TCHP: variants seen among roughly 807,000 people sequenced by gnomAD.
The protein encoded by TCHP is trichoplein keratin filament-binding protein.
In TCHP, 81 loss-of-function variants were observed where a neutral mutation model predicts 88.7. The ratio of observed to expected loss-of-function variants is 0.91; its 90% CI spans 0.76 to 1.10. The LOEUF (loss-of-function observed/expected upper bound fraction) is 1.10. TCHP is among the 50% of genes least tolerant of loss of function. TCHP has a pLI of 0.00. For synonymous variants in TCHP, 232 were observed against 232.5 expected (o/e 1.00, Z 0.02); for missense variants, 641 against 632.1 (o/e 1.01, Z -0.15).
rs777736934 is a variant in TCHP at position 109,906,630 on chromosome 12, A to G, written c.515A>G (p.Glu172Gly). 3 of 1,607,368 alleles carry G rather than the reference A, an allele frequency of 1.9e-6. No individual in the cohort carries two copies. Among genetic ancestry groups the G allele is most frequent in the East Asian group, 2.2e-5 (1 of 44,860 alleles). Residue 172 changes from glutamate (E) to glycine (G), a missense_variant, in exon 5 of 13, where the codon GAA becomes GGA. By Grantham distance (98) the Glu-to-Gly change is moderately conservative (BLOSUM62 -2). Transcript: ENST00000405876. Reference protein sequence around the residue: ...VVNSWEMQKEEKKQQEATAEQ... With the variant: ...VVNSWEMQKEGKKQQEATAEQ... ...AACTCTTGGGAAATGCAGAAAGAAG[A>G]AAAAAAACAGGTGTGGTATGTGGCT...
the TCHP span, chr12:109,880,696 G>A: frequency 6.6e-6 from 1 of 152,114 alleles, no homozygotes; most frequent in Non-Finnish European, 1.5e-5. This position sits in a 1 kb window ranked among gnomAD's most constrained non-coding sequence, Gnocchi z 5.1. Context: ...GCCGGTTCAT[G>A]GGTCCCGGAG....
chr12:109,885,552 G>A, the TCHP span, among the ~76,000 whole-genome samples: 16 of 141,622 alleles, frequency 1.1e-4, no homozygotes, highest in East Asian at 2.1e-4. Flanking sequence ...GCACAATCTC[G>A]GCTCACTGCA....
chr12:109,885,000 A>C, the TCHP span, among the ~76,000 whole-genome samples: 14 of 152,166 alleles, frequency 9.2e-5, no homozygotes, highest in African/African-American at 3.1e-4. Flanking sequence ...ACGGAGTCTC[A>C]CTCTGTCGCC....
At chr12:109,884,674 C>T in the TCHP span, among the ~76,000 whole-genome samples, 1 of 152,150 alleles carries the variant, frequency 6.6e-6, no homozygotes, top group Non-Finnish European at 1.5e-5. Flanking sequence ...TTGTTAAGAA[C>T]AAGATGTCAG....
chr12:109,900,598 A>T (rs914057764), intron 1 of TCHP, 172 bp downstream of exon 1: 1 of 152,208 alleles, frequency 6.6e-6, no homozygotes, highest in Non-Finnish European at 1.5e-5. Context: ...GTGCATGTTC[A>T]GGTCGAGAGA....
the TCHP span, among the ~76,000 whole-genome samples, chr12:109,891,365 T>C: frequency 2.0e-5 from 3 of 151,798 alleles, no homozygotes; most frequent in African/African-American, 7.3e-5. Context: ...GGAGAAGATA[T>C]AGTAATGGGC....
chr12:109,914,658 G>T (rs371020723), intron 11 of TCHP, 31 bp downstream of exon 11: 47 of 1,575,318 alleles, frequency 3.0e-5, no homozygotes, highest in Non-Finnish European at 4.1e-5. Context: ...GGGAGGCACC[G>T]GGCCTGCCAG....
chr12:109,905,038 G>C lies in TCHP; in HGVS notation c.456+245G>C. 1 of 513,456 alleles carries C rather than the reference G, an allele frequency of 1.9e-6. No individual in the cohort carries two copies. The highest frequency in any genetic ancestry group is 3.5e-6 in the Non-Finnish European group (1 of 288,078). 31.8% of individuals were successfully genotyped at this position (513,456 alleles called of 1,614,324 possible). On this transcript the variant is annotated intron_variant, in intron 4 of 12. Coordinates refer to ENST00000405876, the MANE Select transcript of TCHP (RefSeq NM_001143852.2). The surrounding 1 kb of genome is among the most constrained non-coding windows in gnomAD (Gnocchi z 4.0). ...AGGTGCGGGCATGGAGATTAGACATGGTTTCTGCTCATTAGCTTGTGTCCA... is the reference window on the plus strand; with the variant it reads ...AGGTGCGGGCATGGAGATTAGACATCGTTTCTGCTCATTAGCTTGTGTCCA...
At chr12:109,887,636 C>T in the TCHP span, among the ~76,000 whole-genome samples, 4 of 152,126 alleles carry the variant, frequency 2.6e-5, no homozygotes, top group African/African-American at 9.6e-5. Flanking sequence ...AAGGATGCCC[C>T]TCATGCCATG....
intron 1 of TCHP, among the ~76,000 whole-genome samples, chr12:109,902,593 C>T (rs1188654814): frequency 2.6e-5 from 4 of 152,204 alleles, no homozygotes; most frequent in African/African-American, 9.7e-5. Context: ...CCTGCCTCAG[C>T]CTCCCAAGGA....
chr12:109,909,007 A>G (rs1355472011), intron 8 of TCHP, 70 bp downstream of exon 8: 12 of 1,396,820 alleles, frequency 8.6e-6, no homozygotes, highest in African/African-American at 7.1e-5. Context: ...ATTGCTTAGT[A>G]TATGAGTGCA....
rs1870527707 is a variant in TCHP, at chr12:109,912,013, C to T, written c.1052+778C>T. On this transcript the variant is annotated intron_variant, in intron 9 of 12. Coordinates refer to ENST00000405876, the MANE Select transcript of TCHP (RefSeq NM_001143852.2). Reference sequence around the variant, plus strand: ...GTTTCACCATCTTGGCCAGGCTGGTCTTGAACTCCTGACCTTGTGATCCGC... The same window carrying T: ...GTTTCACCATCTTGGCCAGGCTGGTTTTGAACTCCTGACCTTGTGATCCGC... Among the ~76,000 whole-genome samples, 3 of 152,098 alleles carry T rather than the reference C, an allele frequency of 2.0e-5. No homozygotes were observed. The South Asian group carries it at 6.2e-4, about 31-fold the overall frequency.
At chr12:109,891,075 C>T in the TCHP span, among the ~76,000 whole-genome samples, 1 of 152,164 alleles carries the variant, frequency 6.6e-6, no homozygotes, top group African/African-American at 2.4e-5. Flanking sequence ...TATTAACTTC[C>T]CTGGGTGAAA....
At chr12:109,889,758 G>C in the TCHP span, among the ~76,000 whole-genome samples, 29 of 152,188 alleles carry the variant, frequency 1.9e-4, no homozygotes, top group African/African-American at 7.0e-4. Flanking sequence ...ATCGATTTAC[G>C]GAGTTATTTC....
chr12:109,906,013 A>G (rs1251012442), intron 4 of TCHP, among the ~76,000 whole-genome samples: 1 of 152,214 alleles, frequency 6.6e-6, no homozygotes, highest in Non-Finnish European at 1.5e-5. Flanking sequence ...TTTTATAAAC[A>G]GTTTCCCAAA....
At chr12:109,914,375 A>G (rs1277177859) in intron 10 of TCHP, 67 bp from the exon 11 acceptor site, 1 of 1,466,698 alleles carries the variant, frequency 6.8e-7, no homozygotes, top group Non-Finnish European at 9.3e-7. Context: ...AGCCTGTCCA[A>G]GGCTTGTAGA....
intron 11 of TCHP, chr12:109,915,016 C>A: frequency 2.4e-6 from 1 of 414,068 alleles, no homozygotes; most frequent in Admixed American, 4.0e-5. Flanking sequence ...CTCCAGCTTT[C>A]CATGAGGTAC....
intron 11 of TCHP, chr12:109,914,902 C>G (rs1429194872): frequency 4.6e-6 from 2 of 436,322 alleles, no homozygotes; most frequent in African/African-American, 2.0e-5. Flanking sequence ...GGCCATAGAT[C>G]TCTCTTCATT....
Position 109,903,964 on chromosome 12 carries a change from G to T in TCHP, c.216G>T (p.Met72Ile). 6.2e-7 allele frequency: 1 copy of T among 1,610,042 alleles called. No individual in the cohort carries two copies. The highest frequency in any genetic ancestry group is 8.5e-7 in the Non-Finnish European group (1 of 1,178,652). Residue 72 changes from methionine to isoleucine, a missense_variant, in exon 3 of 13, where the codon ATG (methionine) becomes ATT (isoleucine). Transcript: ENST00000405876. The surrounding 1 kb of genome is among the most constrained non-coding windows in gnomAD (Gnocchi z 4.6). ...RSMHAYQREKMKEEKRRSLEA... is the reference protein window; with the variant it reads ...RSMHAYQREKIKEEKRRSLEA... ...TGCATGCCTATCAGCGGGAGAAGAT[G>T]AAGGAGGAGAAGAGGAGGAGTCTGG...
Sources: allele counts gnomAD v4.1 joint callset (sites outside exome capture counted in the v4.1 genomes callset), GRCh38; gene constraint gnomAD v4.1.1; non-coding constraint Gnocchi (gnomAD v3.1); transcripts MANE v1.5; gene names NCBI Gene and HGNC (gene_info 2026-07-23, HGNC 2026-07-21).